Variants in MARCHF7 observed in about 807,000 individuals in gnomAD.
MARCHF7 encodes the protein membrane associated ring-CH-type finger 7, also known as E3 ubiquitin-protein ligase MARCHF7.
In MARCHF7, 20 loss-of-function variants were observed where a neutral mutation model predicts 76.5. The ratio of observed to expected loss-of-function variants is 0.26; its 90% confidence interval spans 0.18 to 0.38. The LOEUF (loss-of-function observed/expected upper bound fraction) is 0.38, where lower values mean the gene tolerates loss of function less well. Ranked by LOEUF, MARCHF7 falls within the 10% of genes least tolerant of loss-of-function variation. The probability of loss-of-function intolerance (pLI) is 1.00; values close to 1 mark genes in which losing one functional copy is unlikely to be tolerated. For missense variants in MARCHF7, 797 were observed against 812.9 expected (o/e 0.98, Z 0.24); for synonymous variants, 295 against 293.0 (o/e 1.01, Z -0.07).
chr2:159,733,576 G>C (rs916089281), intron 4 of MARCHF7: 1 of 984,930 alleles, frequency 1.0e-6, no homozygotes, highest in African/African-American at 1.8e-5. Flanking sequence ...GATTGTTGAG[G>C]CTTTTTAACT....
At chr2:159,726,277 T>G (rs534112421) in intron 3 of MARCHF7, among the ~76,000 whole-genome samples, 9 of 143,558 alleles carry the variant, frequency 6.3e-5, no homozygotes, top group Non-Finnish European at 1.4e-4. Flanking sequence ...TTGTTTTGTT[T>G]TTTGATACCG....
intron 8 of MARCHF7, 37 bp downstream of exon 8, chr2:159,752,608 A>G: frequency 1.4e-6 from 2 of 1,425,558 alleles, no homozygotes; most frequent in Non-Finnish European, 1.9e-6. Flanking sequence ...CAATTTTTCT[A>G]AGAGATGCAT....
intron 6 of MARCHF7, among the ~76,000 whole-genome samples, chr2:159,746,155 G>C (rs911858342): frequency 6.6e-6 from 1 of 151,940 alleles, no homozygotes; most frequent in South Asian, 2.1e-4. Flanking sequence ...CTACCTTTAC[G>C]TTGTTTAACT....
chr2:159,747,689 C>A, intron 6 of MARCHF7, 116 bp from the exon 7 acceptor site: 2 of 951,922 alleles, frequency 2.1e-6, no homozygotes, highest in East Asian at 2.5e-5. Flanking sequence ...TCTGTAGTTA[C>A]AATATAACAG....
At chr2:159,732,267 T>C (rs1702901969) in intron 4 of MARCHF7, among the ~76,000 whole-genome samples, 1 of 152,178 alleles carries the variant, frequency 6.6e-6, no homozygotes, top group African/African-American at 2.4e-5. Context: ...AAAAATTACT[T>C]GCAAACATCC....
chr2:159,753,346 C>A (rs936500537), intron 8 of MARCHF7, among the ~76,000 whole-genome samples: 1 of 151,738 alleles, frequency 6.6e-6, no homozygotes, highest in African/African-American at 2.4e-5. Flanking sequence ...CCGAGACGGG[C>A]GGATCACGAG....
chr2:159,761,431 T>TTTTTTTTTA (rs869142437), intron 9 of MARCHF7, among the ~76,000 whole-genome samples: 5 of 94,716 alleles, frequency 5.3e-5, no homozygotes, highest in South Asian at 4.0e-4. Context: ...TTTTTTTTTT[T>TTTTTTTTTA]GAGACGGAGT....
intron 3 of MARCHF7, among the ~76,000 whole-genome samples, chr2:159,727,916 G>C (rs768822671): frequency 6.6e-6 from 1 of 152,142 alleles, no homozygotes; most frequent in Non-Finnish European, 1.5e-5. Context: ...GGAAAACTTG[G>C]AAATTATTAA....
Position 159,733,956 on chromosome 2 carries a change from T to A in MARCHF7, c.153+4781T>A, listed in dbSNP as rs1703134687. On this transcript the variant is annotated intron_variant, in intron 4 of 11. Transcript: ENST00000409175. ...GTTGATTTCCTAAATATCTTTCAGT[T>A]CTCAGCCATTTGTAAGCTGCGCTTC... is the stretch of plus-strand genomic sequence containing the variant. 3.1e-6 allele frequency: 4 copies of A among 1,276,384 alleles called. No homozygotes were observed. The African/African-American group carries it at 4.5e-5, about 14-fold the overall frequency. 79.1% of individuals were successfully genotyped at this position (1,276,384 alleles called of 1,614,324 possible).
At chr2:159,736,079 A>C (rs1703419918) in intron 4 of MARCHF7, among the ~76,000 whole-genome samples, 1 of 152,202 alleles carries the variant, frequency 6.6e-6, no homozygotes, top group Non-Finnish European at 1.5e-5. Context: ...GTGAGCTATG[A>C]TGGCACCACT....
At chr2:159,717,901 GA>G (rs749292513) in intron 3 of MARCHF7, among the ~76,000 whole-genome samples, 1 of 152,104 alleles carries the variant, frequency 6.6e-6, no homozygotes, top group South Asian at 2.1e-4. Context: ...TCTTTACCCT[GA>G]AGTGAATATC....
chr2:159,739,756 A>T (rs1703911181), intron 4 of MARCHF7, among the ~76,000 whole-genome samples: 1 of 152,268 alleles, frequency 6.6e-6, no homozygotes, highest in Non-Finnish European at 1.5e-5. Context: ...ACTCAAGCCA[A>T]TAGCAAAACT....
At chr2:159,748,978 C>CTTT (rs1244353725) in intron 7 of MARCHF7, 75 bp downstream of exon 7, 32 of 775,668 alleles carry the variant, frequency 4.1e-5, no homozygotes, top group East Asian at 1.2e-4. Context: ...TTTTTCTTTT[C>CTTT]TTTTTTTTTT....
intron 4 of MARCHF7, among the ~76,000 whole-genome samples, chr2:159,736,669 T>G (rs1181862675): frequency 1.3e-5 from 2 of 152,234 alleles, no homozygotes; most frequent in Non-Finnish European, 2.9e-5. Flanking sequence ...ATAGTAATAG[T>G]AAATGATTTC....
At chr2:159,720,950 C>T (rs151090340) in intron 3 of MARCHF7, among the ~76,000 whole-genome samples, 108 of 152,082 alleles carry the variant, frequency 7.1e-4, no homozygotes, top group Admixed American at 1.3e-3. Context: ...CTCTGCCTCC[C>T]GGATTCAAGC....
chr2:159,729,027 A>G lies in MARCHF7; in HGVS notation c.5A>G (p.Glu2Gly). 6.4e-7 allele frequency: 1 copy of G among 1,562,912 alleles called. No homozygotes were observed. Among genetic ancestry groups the G allele is most frequent in the Non-Finnish European group, 8.6e-7 (1 of 1,162,094 alleles). The change falls in exon 4 of 12, where the codon GAG becomes GGG. Residue 2 changes from glutamate (E) to glycine (G), a missense_variant. Around this residue, in one of 3 missense-constraint regions of MARCHF7, gnomAD observed 643 missense variants for 631.5 expected, o/e 1.02. Coordinates refer to ENST00000409175, the MANE Select transcript of MARCHF7 (RefSeq NM_001282805.2). MESKPSRIPRRI... is the reference protein window; with the variant it reads MGSKPSRIPRRI... ...TTCACAGAAAAATCTTTAAGAATGG[A>G]GTCTAAACCTTCAAGGATTCCAAGA... is the stretch of plus-strand genomic sequence containing the variant.
rs747902045 is a variant in MARCHF7 at position 159,761,406 on chromosome 2, C to CTTTTTTTTTTTTTTTTTTTTTTTT, written c.1894-1472_1894-1449dup. On this transcript the variant is annotated intron_variant, in intron 9 of 11. Transcript: ENST00000409175. ...ACAATAATTATTAAGTGAATCATTT[C>CTTTTTTTTTTTTTTTTTTTTTTTT]TTTTTTTTTTTTTTTTTTTTTTTTT... 1.2e-4 allele frequency among the ~76,000 whole-genome samples: 9 copies of CTTTTTTTTTTTTTTTTTTTTTTTT among 73,750 alleles called. 4 individuals carry two copies. Among genetic ancestry groups the CTTTTTTTTTTTTTTTTTTTTTTTT allele is most frequent in the Admixed American group, 5.0e-4 (2 of 4,000 alleles). 48.4% of individuals were successfully genotyped at this position (73,750 alleles called of 152,430 possible). A position where few individuals can be genotyped will look rare whatever the true frequency, so the allele number is the denominator to read the frequency against.
At chr2:159,745,484 A>G (rs7590823) in intron 5 of MARCHF7, among the ~76,000 whole-genome samples, 52,326 of 151,856 alleles carry the variant, frequency 0.34, 9,221 homozygotes, top group South Asian at 0.44. Flanking sequence ...GTGAAACCCC[A>G]TCTTCACTAA....
At chr2:159,759,976 G>GC (rs1055136935) in intron 9 of MARCHF7, among the ~76,000 whole-genome samples, 8 of 152,068 alleles carry the variant, frequency 5.3e-5, no homozygotes, top group African/African-American at 1.9e-4. Flanking sequence ...GGGGTAATGG[G>GC]CCTCCCCTCT....
Sources: allele counts gnomAD v4.1 joint callset (sites outside exome capture counted in the v4.1 genomes callset), GRCh38; gene constraint gnomAD v4.1.1; regional missense constraint gnomAD v4.1.1; transcripts MANE v1.5; gene names NCBI Gene and HGNC (gene_info 2026-07-23, HGNC 2026-07-21).